The following CPED1 variants were observed in gnomAD, a reference collection of about 807,000 sequenced individuals.
The protein encoded by CPED1 is cadherin like and PC-esterase domain containing 1, also known as cadherin-like and PC-esterase domain-containing protein 1.
A neutral mutation model predicts 128.2 loss-of-function variants in CPED1; 114 were observed. The ratio of observed to expected loss-of-function variants is 0.89; its 90% CI spans 0.76 to 1.04. The LOEUF is 1.04. Among genes scored for constraint, CPED1 ranks in the 50% least tolerant of loss-of-function variants. The pLI is 0.00. For synonymous variants in CPED1, 462 were observed against 426.7 expected, an observed-to-expected ratio of 1.08 and a Z score of -1.02; for missense variants, 1,211 against 1,207.1, an observed-to-expected ratio of 1.00 and a Z score of -0.05.
chr7:121,054,384 T>C (rs951409428), intron 4 of CPED1, among the ~76,000 whole-genome samples: 9 of 152,320 alleles, frequency 5.9e-5, no homozygotes, highest in Non-Finnish European at 2.9e-5. Context: ...ATTTCCCTAT[T>C]GTTTAACCCT....
At chr7:121,197,956 T>A (rs1797307718) in intron 16 of CPED1, among the ~76,000 whole-genome samples, 1 of 152,168 alleles carries the variant, frequency 6.6e-6, no homozygotes, top group African/African-American at 2.4e-5. Flanking sequence ...GGCTTTTGTT[T>A]AATGCCAATG....
intron 5 of CPED1, among the ~76,000 whole-genome samples, 190 bp downstream of exon 5, chr7:121,064,503 G>C (rs192973744): frequency 6.6e-6 from 1 of 152,142 alleles, no homozygotes; most frequent in Admixed American, 6.6e-5. Flanking sequence ...CAACCGTAAC[G>C]TAACACTGGT....
rs116753810 is a variant in CPED1, at chr7:121,111,401, G to T, written c.918+11307G>T. On this transcript the variant is annotated intron_variant, in intron 7 of 22. Transcript: ENST00000310396. ...CTGGTGTGACAGGGAGGTTCCCACA[G>T]CTCCAGGTACCCATTGCTATAAAAA... 5.0e-3 allele frequency among the ~76,000 whole-genome samples: 762 copies of T among 152,268 alleles called. 6 individuals carry two copies. Among genetic ancestry groups the T allele is most frequent in the African/African-American group, 0.017 (690 of 41,554 alleles).
chr7:121,180,995 G>A (rs1044703856), intron 16 of CPED1, among the ~76,000 whole-genome samples: 1 of 152,050 alleles, frequency 6.6e-6, no homozygotes, highest in East Asian at 1.9e-4. Flanking sequence ...TGGACTTGAG[G>A]CTTTTTCACA....
chr7:121,027,931 C>CT (rs1353226032), intron 3 of CPED1, among the ~76,000 whole-genome samples: 2 of 151,796 alleles, frequency 1.3e-5, no homozygotes, highest in African/African-American at 2.4e-5. Flanking sequence ...ACTAAACAAG[C>CT]GATTAAGGGA....
chr7:121,243,007 T>C (rs1798437857), intron 17 of CPED1, among the ~76,000 whole-genome samples: 1 of 152,102 alleles, frequency 6.6e-6, no homozygotes, highest in Non-Finnish European at 1.5e-5. Context: ...ACTATATTCA[T>C]CTCCTAAAAA....
intron 5 of CPED1, among the ~76,000 whole-genome samples, chr7:121,065,920 T>G (rs1793819537): frequency 6.6e-6 from 1 of 152,132 alleles, no homozygotes; most frequent in South Asian, 2.1e-4. Flanking sequence ...TTTCTCTAGA[T>G]GAAGATAATT....
intron 3 of CPED1, among the ~76,000 whole-genome samples, chr7:121,038,797 T>A (rs1208653844): frequency 1.3e-5 from 2 of 151,996 alleles, no homozygotes; most frequent in Non-Finnish European, 2.9e-5. Flanking sequence ...TGGTCAGCTA[T>A]TTTGATGTCC....
At chr7:121,154,574 TCTCA>T (rs1796239574) in intron 16 of CPED1, among the ~76,000 whole-genome samples, 1 of 152,008 alleles carries the variant, frequency 6.6e-6, no homozygotes, top group East Asian at 1.9e-4. Flanking sequence ...TGAGACAGAG[TCTCA>T]CTCTGTTGCC....
chr7:121,158,318 AG>A (rs1307324005), intron 16 of CPED1, among the ~76,000 whole-genome samples: 3 of 152,208 alleles, frequency 2.0e-5, no homozygotes, highest in Admixed American at 6.5e-5. Flanking sequence ...ACTGACTGGG[AG>A]TCTTTGACAT....
chr7:121,158,148 T>C (rs775992627), intron 16 of CPED1, among the ~76,000 whole-genome samples: 6 of 152,204 alleles, frequency 3.9e-5, no homozygotes, highest in African/African-American at 1.4e-4. Context: ...GAAGTAATTA[T>C]TGGGTCATGG....
At chr7:121,013,424 T>C (rs1792213092) in intron 2 of CPED1, among the ~76,000 whole-genome samples, 1 of 152,210 alleles carries the variant, frequency 6.6e-6, no homozygotes, top group South Asian at 2.1e-4. Context: ...TCTATTCTTT[T>C]TCATTATGTT....
chr7:121,293,888 GC>G (rs1792765996), intron 22 of CPED1, among the ~76,000 whole-genome samples: 1 of 152,008 alleles, frequency 6.6e-6, no homozygotes, highest in African/African-American at 2.4e-5. Flanking sequence ...AGTTGGAAAT[GC>G]AGAAATCACC....
chr7:120,995,484 C>G (rs2116739030), intron 2 of CPED1, among the ~76,000 whole-genome samples: 1 of 152,268 alleles, frequency 6.6e-6, no homozygotes, highest in African/African-American at 2.4e-5. Context: ...TATACTTTTC[C>G]TTGATGAATG....
At chr7:121,198,063 GAA>G (rs1797309475) in intron 16 of CPED1, among the ~76,000 whole-genome samples, 1 of 152,270 alleles carries the variant, frequency 6.6e-6, no homozygotes, top group Admixed American at 6.5e-5. Context: ...TTGCAATAGA[GAA>G]AGACTGATGT....
intron 7 of CPED1, among the ~76,000 whole-genome samples, chr7:121,100,627 G>A (rs1217596114): frequency 6.6e-6 from 1 of 152,060 alleles, no homozygotes; most frequent in African/African-American, 2.4e-5. Context: ...ATCCCAAAAA[G>A]TTTAATAAGT....
At chr7:121,060,077 C>T (rs1430198325) in intron 4 of CPED1, among the ~76,000 whole-genome samples, 1 of 152,188 alleles carries the variant, frequency 6.6e-6, no homozygotes, top group Non-Finnish European at 1.5e-5. Context: ...AGCCGGCCGG[C>T]CCTGCCGGCC....
chr7:121,288,517 C>T (rs1201176847), intron 22 of CPED1, among the ~76,000 whole-genome samples: 1 of 152,166 alleles, frequency 6.6e-6, no homozygotes, highest in African/African-American at 2.4e-5. Flanking sequence ...CCATTGAGAT[C>T]TGTCAAAATA....
chr7:120,992,981 T>C (rs139727613), intron 2 of CPED1, among the ~76,000 whole-genome samples: 1 of 152,316 alleles, frequency 6.6e-6, no homozygotes, highest in Admixed American at 6.5e-5. Flanking sequence ...AGTGAGGAAG[T>C]ACTCTCCCTC....
Sources: gnomAD v4.1 joint callset for allele counts (sites outside exome capture counted in the v4.1 genomes callset) on GRCh38, gnomAD v4.1.1 for gene constraint, MANE v1.5 for transcripts, NCBI Gene and HGNC (gene_info 2026-07-23, HGNC 2026-07-21) for gene names.